The following LRRC7 variants were observed in gnomAD, a reference collection of about 807,000 sequenced individuals.
LRRC7 encodes the protein leucine-rich repeat-containing protein 7.
In LRRC7, 23 loss-of-function variants were observed where a neutral mutation model predicts 175.7. The observed-to-expected ratio is 0.13, with a 90% CI of 0.09 to 0.19. The LOEUF (loss-of-function observed/expected upper bound fraction) is 0.19. LRRC7 is among the 10% of genes least tolerant of loss of function. LRRC7 has a pLI of 1.00. For missense variants in LRRC7, 1,354 were observed against 1,904.7 expected (o/e 0.71, Z 5.38); for synonymous variants, 685 against 680.9 (o/e 1.01, Z -0.09).
rs186753487 is a variant in LRRC7, at chr1:70,111,506, G to C, written c.4620+3680G>C. Among the ~76,000 whole-genome samples the C allele has an allele frequency of 9.2e-5, 14 of 152,214 alleles. No individual in the cohort carries two copies. In the East Asian group the frequency reaches 2.1e-3, roughly 23 times the overall value. ...GCACATGGAATATAAAAATATGCTAGAATAAGCCATGTGAATTTGCCAATA... is the reference window on the plus strand; with the variant it reads ...GCACATGGAATATAAAAATATGCTACAATAAGCCATGTGAATTTGCCAATA... On this transcript the variant is annotated intron_variant, in intron 26 of 26. Coordinates refer to ENST00000651989, the MANE Select transcript of LRRC7 (RefSeq NM_001370785.2).
intron 7 of LRRC7, among the ~76,000 whole-genome samples, chr1:69,855,552 G>A (rs565349379): frequency 6.6e-6 from 1 of 152,164 alleles, no homozygotes. Flanking sequence ...CCAACTATGT[G>A]GTCAATTTTG....
Position 70,141,349 on chromosome 1 carries a change from C to G in LRRC7, c.*19462C>G, listed in dbSNP as rs1667055045. ...CAATAGCTTCATGCAGACTTTGGCC[C>G]AACTCTGTCTACAAATACTTTTGCA... On this transcript the variant is annotated 3_prime_UTR_variant, in exon 27 of 27. Transcript: ENST00000651989. 2 of 152,052 alleles carry G rather than the reference C, an allele frequency of 1.3e-5. No homozygotes were observed. Among genetic ancestry groups the G allele is most frequent in the Non-Finnish European group, 2.9e-5 (2 of 67,986 alleles). 9.4% of individuals were successfully genotyped at this position (152,052 alleles called of 1,614,324 possible).
At chr1:69,977,128 C>T (rs1338681343) in intron 8 of LRRC7, among the ~76,000 whole-genome samples, 3 of 152,308 alleles carry the variant, frequency 2.0e-5, no homozygotes, top group Middle Eastern at 3.4e-3. Flanking sequence ...CTCACTCCCT[C>T]GCCCCCATAT....
chr1:70,002,331 G>A (rs1333118520), intron 11 of LRRC7, among the ~76,000 whole-genome samples: 1 of 152,178 alleles, frequency 6.6e-6, no homozygotes, highest in Non-Finnish European at 1.5e-5. Flanking sequence ...GCTTTGAGAT[G>A]TGAAGTGACT....
chr1:69,594,895 C>T (rs1278940792), intron 1 of LRRC7, among the ~76,000 whole-genome samples: 1 of 152,138 alleles, frequency 6.6e-6, no homozygotes, highest in African/African-American at 2.4e-5. Context: ...CTTACTCAAC[C>T]TGGAAGACAT....
intron 25 of LRRC7, 69 bp downstream of exon 25, chr1:70,089,888 GA>G (rs949064824): frequency 2.5e-6 from 3 of 1,177,506 alleles, no homozygotes; most frequent in Non-Finnish European, 3.7e-6. Flanking sequence ...ACAAAGGTTA[GA>G]AAAAAATTCA....
intron 7 of LRRC7, among the ~76,000 whole-genome samples, chr1:69,927,405 T>C (rs1647116831): frequency 1.3e-5 from 2 of 152,240 alleles, no homozygotes; most frequent in South Asian, 4.1e-4. Flanking sequence ...CAGAGTGTTT[T>C]CCAACTTGGT....
At chr1:69,887,691 A>G (rs11209572) in intron 7 of LRRC7, among the ~76,000 whole-genome samples, 82,004 of 147,968 alleles carry the variant, frequency 0.55, 22,516 homozygotes, top group East Asian at 0.68. Flanking sequence ...GAGGAGAGGC[A>G]CTCTGTGTTT....
chr1:69,647,675 T>C (rs1409409643), intron 1 of LRRC7, among the ~76,000 whole-genome samples: 1 of 152,202 alleles, frequency 6.6e-6, no homozygotes, highest in Non-Finnish European at 1.5e-5. Context: ...CTTTCAGTTC[T>C]TCAAATACTA....
chr1:69,753,350 G>A (rs1670058408), intron 2 of LRRC7, among the ~76,000 whole-genome samples: 1 of 150,496 alleles, frequency 6.6e-6, no homozygotes, highest in African/African-American at 2.4e-5. Context: ...GTAAATTCAT[G>A]TCTGTAGATT....
rs1666974690 is a variant in LRRC7, at chr1:70,139,120, A to C, written c.*17233A>C. 1 of 152,192 alleles carries C rather than the reference A, an allele frequency of 6.6e-6. No homozygotes were observed. Among genetic ancestry groups the C allele is most frequent in the African/African-American group, 2.4e-5 (1 of 41,452 alleles). 9.4% of individuals were successfully genotyped at this position (152,192 alleles called of 1,614,324 possible). A position where few individuals can be genotyped will look rare whatever the true frequency, so the allele number is the denominator to read the frequency against. ...GTCTCCAATCCTAAAAGTCACTAGA[A>C]TATTGATATAAGGAATTCTGTGTCA... is the stretch of plus-strand genomic sequence containing the variant. On this transcript the variant is annotated 3_prime_UTR_variant, in exon 27 of 27. Transcript: ENST00000651989.
intron 23 of LRRC7, among the ~76,000 whole-genome samples, chr1:70,073,205 G>T (rs1243126746): frequency 6.6e-6 from 1 of 152,098 alleles, no homozygotes; most frequent in Non-Finnish European, 1.5e-5. Flanking sequence ...GAGTGTTTGG[G>T]TGGTAGCTAT....
At chr1:69,994,231 T>G (rs1431326381) in intron 10 of LRRC7, among the ~76,000 whole-genome samples, 2 of 152,218 alleles carry the variant, frequency 1.3e-5, no homozygotes, top group African/African-American at 4.8e-5. Flanking sequence ...CACAGCTGGC[T>G]TGAAAAATTT....
At chr1:70,024,216 G>A (rs1248583850) in intron 17 of LRRC7, among the ~76,000 whole-genome samples, 3 of 151,620 alleles carry the variant, frequency 2.0e-5, no homozygotes, top group Non-Finnish European at 4.4e-5. Flanking sequence ...AATGATCAAA[G>A]TATTAACTAA....
rs1199422409 is a variant in LRRC7, at chr1:69,930,874, GCATA to G, written c.648-632_648-629del. Among the ~76,000 whole-genome samples, 1,231 of 152,200 alleles carry G rather than the reference GCATA, an allele frequency of 8.1e-3. 13 individuals carry two copies. The highest frequency in any genetic ancestry group is 0.027 in the African/African-American group (1,127 of 41,516). ...GAGAATTCTCACTTTCATGAGAACA[GCATA>G]GGAGAAACCACCCCCATGATCCAAT... On this transcript the variant is annotated intron_variant, in intron 7 of 26. Coordinates refer to ENST00000651989, the MANE Select transcript of LRRC7 (RefSeq NM_001370785.2).
chr1:69,889,459 C>A (rs977375151), intron 7 of LRRC7, among the ~76,000 whole-genome samples: 1 of 152,138 alleles, frequency 6.6e-6, no homozygotes, highest in Non-Finnish European at 1.5e-5. Flanking sequence ...TGAATTCTTT[C>A]TTGTCATTTC....
At chr1:69,748,525 C>T (rs905558731) in intron 2 of LRRC7, among the ~76,000 whole-genome samples, 1 of 151,968 alleles carries the variant, frequency 6.6e-6, no homozygotes, top group Non-Finnish European at 1.5e-5. Context: ...AAATTTTGAC[C>T]ATCAGTATAC....
At chr1:69,612,295 ATCAC>A (rs1648896261) in intron 1 of LRRC7, among the ~76,000 whole-genome samples, 1 of 152,074 alleles carries the variant, frequency 6.6e-6, no homozygotes, top group African/African-American at 2.4e-5. Flanking sequence ...TTTAAAAATC[ATCAC>A]TCATACTTTC....
intron 2 of LRRC7, among the ~76,000 whole-genome samples, chr1:69,703,034 G>C (rs1663568250): frequency 6.6e-6 from 1 of 152,016 alleles, no homozygotes; most frequent in Admixed American, 6.6e-5. Context: ...TCACTGATCT[G>C]TCTGCAGAGT....
Sources: allele counts gnomAD v4.1 joint callset (sites outside exome capture counted in the v4.1 genomes callset), GRCh38; gene constraint gnomAD v4.1.1; transcripts MANE v1.5; gene names NCBI Gene and HGNC (gene_info 2026-07-23, HGNC 2026-07-21).